KHDRBS2: variants seen among roughly 807,000 people sequenced by gnomAD.
KHDRBS2 encodes the protein KH RNA binding domain containing, signal transduction associated 2.
Under a neutral mutation model 44.3 loss-of-function variants are expected in KHDRBS2, and 26 were observed. The ratio of observed to expected loss-of-function variants is 0.59; its 90% CI spans 0.43 to 0.81. The LOEUF is 0.81. Among genes scored for constraint, KHDRBS2 ranks in the 40% least tolerant of loss-of-function variants. KHDRBS2 has a pLI of 0.00. For synonymous variants in KHDRBS2, 194 were observed against 151.1 expected (o/e 1.28, Z -2.08); for missense variants, 476 against 433.1 (o/e 1.10, Z -0.88).
chr6:62,252,082 A>G, intron 1 of KHDRBS2, among the ~76,000 whole-genome samples: 1 of 151,890 alleles, frequency 6.6e-6, no homozygotes, highest in East Asian at 1.9e-4. Context: ...TTATGAGGAG[A>G]GGTATAATAA....
At chr6:61,925,539 G>T (rs548266784) in intron 4 of KHDRBS2, among the ~76,000 whole-genome samples, 3 of 151,988 alleles carry the variant, frequency 2.0e-5, no homozygotes, top group Non-Finnish European at 2.9e-5. Flanking sequence ...AACGTAGTGA[G>T]ACCTTGTCTC....
chr6:62,087,948 T>C (rs985292239), intron 2 of KHDRBS2, among the ~76,000 whole-genome samples: 1 of 152,242 alleles, frequency 6.6e-6, no homozygotes, highest in Non-Finnish European at 1.5e-5. Context: ...AAGTTGATCT[T>C]CAATCTCTGA....
chr6:61,805,779 A>C (rs1012980947), intron 6 of KHDRBS2, among the ~76,000 whole-genome samples: 14 of 152,110 alleles, frequency 9.2e-5, no homozygotes, highest in Admixed American at 7.9e-4. Context: ...TGTGGGAACA[A>C]CCTCTATGAT....
chr6:61,561,607 G>T, the KHDRBS2 span, among the ~76,000 whole-genome samples: 2 of 152,048 alleles, frequency 1.3e-5, no homozygotes, highest in African/African-American at 4.8e-5. Flanking sequence ...AGGGAGAGGA[G>T]CTTCTCCCCA....
intron 7 of KHDRBS2, among the ~76,000 whole-genome samples, chr6:61,732,047 A>G (rs1183293524): frequency 1.3e-5 from 2 of 152,196 alleles, no homozygotes; most frequent in East Asian, 3.9e-4. Context: ...CTATATCTTA[A>G]TTTTGGTGGT....
In KHDRBS2 at chr6:62,169,759, C is replaced by T. The variant is rs1819635173; in HGVS notation, c.219+7426G>A. On this transcript the variant is annotated intron_variant, in intron 2 of 8. Coordinates refer to ENST00000281156, the MANE Select transcript of KHDRBS2 (RefSeq NM_152688.4). ...ACTTCTAAACTGAGGCAGAGAACTA[C>T]CAGTAGTTTTGGCAAAGGTAAGTCT... Among the ~76,000 whole-genome samples the T allele has an allele frequency of 1.3e-5, 2 of 152,024 alleles. 1 individual carries two copies. Among genetic ancestry groups the T allele is most frequent in the South Asian group, 4.1e-4 (2 of 4,822 alleles).
intron 2 of KHDRBS2, among the ~76,000 whole-genome samples, chr6:62,089,423 C>A (rs1228023876): frequency 6.6e-6 from 1 of 152,122 alleles, no homozygotes; most frequent in African/African-American, 2.4e-5. Flanking sequence ...AGTGTAGTAT[C>A]TGGGCAGGAT....
intron 3 of KHDRBS2, among the ~76,000 whole-genome samples, chr6:61,982,485 C>T (rs1368334775): frequency 6.6e-6 from 1 of 151,840 alleles, no homozygotes; most frequent in Admixed American, 6.6e-5. Flanking sequence ...TCCTGGCTAA[C>T]ACAGTGAAAC....
chr6:62,219,945 T>C (rs996495336), intron 1 of KHDRBS2, among the ~76,000 whole-genome samples: 17 of 147,804 alleles, frequency 1.2e-4, no homozygotes, highest in Non-Finnish European at 1.6e-4. Context: ...TAATAGTATA[T>C]ATATAACTGT....
chr6:61,690,165 G>T (rs2127541376), intron 8 of KHDRBS2, among the ~76,000 whole-genome samples: 1 of 151,876 alleles, frequency 6.6e-6, no homozygotes, highest in East Asian at 1.9e-4. Context: ...ATTCTGTAAT[G>T]ATTTCCTAAG....
intron 2 of KHDRBS2, among the ~76,000 whole-genome samples, chr6:62,129,503 G>A (rs1036898555): frequency 3.3e-5 from 5 of 152,092 alleles, no homozygotes; most frequent in Non-Finnish European, 5.9e-5. Flanking sequence ...CGGAACTTAA[G>A]AAGAGCAAAA....
intron 4 of KHDRBS2, among the ~76,000 whole-genome samples, chr6:61,903,636 C>A (rs921537320): frequency 6.6e-6 from 1 of 152,106 alleles, no homozygotes; most frequent in Non-Finnish European, 1.5e-5. Flanking sequence ...GCATCCATAT[C>A]CTTAGATAGT....
At chr6:62,218,795 A>G (rs1830426211) in intron 1 of KHDRBS2, among the ~76,000 whole-genome samples, 2 of 151,920 alleles carry the variant, frequency 1.3e-5, no homozygotes, top group South Asian at 4.1e-4. Flanking sequence ...ATAACTGGAT[A>G]AAGAAAATGA....
chr6:62,145,423 T>C (rs533698356), intron 2 of KHDRBS2, among the ~76,000 whole-genome samples: 22 of 152,000 alleles, frequency 1.4e-4, no homozygotes, highest in Non-Finnish European at 2.8e-4. Flanking sequence ...CCATTCTTAA[T>C]AGAAGTAATT....
At chr6:61,717,786 C>T (rs541245634) in intron 7 of KHDRBS2, among the ~76,000 whole-genome samples, 44 of 152,070 alleles carry the variant, frequency 2.9e-4, no homozygotes, top group Non-Finnish European at 5.7e-4. Context: ...TTTTTTCTTG[C>T]TCAGAAGTAT....
chr6:61,756,264 AT>A (rs372772533), intron 6 of KHDRBS2, among the ~76,000 whole-genome samples: 8,829 of 149,728 alleles, frequency 0.059, 428 homozygotes, highest in African/African-American at 0.13. Flanking sequence ...TAATTAATTT[AT>A]TTTTTTTTTG....
chr6:61,589,236 C>A, the KHDRBS2 span, among the ~76,000 whole-genome samples: 50 of 151,930 alleles, frequency 3.3e-4, no homozygotes, highest in Admixed American at 8.5e-4. Flanking sequence ...GAACTTAAAG[C>A]AAAATAAAAT....
chr6:61,568,198 T>C, the KHDRBS2 span, among the ~76,000 whole-genome samples: 49 of 152,206 alleles, frequency 3.2e-4, no homozygotes, highest in Non-Finnish European at 1.0e-4. Context: ...CATTGATTTA[T>C]GTGTCTGTTT....
At chr6:61,789,989 A>T (rs932818043) in intron 6 of KHDRBS2, among the ~76,000 whole-genome samples, 1 of 151,482 alleles carries the variant, frequency 6.6e-6, no homozygotes, top group Non-Finnish European at 1.5e-5. Flanking sequence ...ATAATGTTTT[A>T]TAAAGATGCA....
Sources: gnomAD v4.1 joint callset for allele counts (sites outside exome capture counted in the v4.1 genomes callset) on GRCh38, gnomAD v4.1.1 for gene constraint, MANE v1.5 for transcripts, NCBI Gene and HGNC (gene_info 2026-07-23, HGNC 2026-07-21) for gene names.